CLRN2: variants seen among roughly 807,000 people sequenced by gnomAD.
The protein encoded by CLRN2 is clarin 2.
Under a neutral mutation model 20.1 loss-of-function variants are expected in CLRN2, and 17 were observed. The ratio of observed to expected loss-of-function variants is 0.85; its 90% CI spans 0.58 to 1.27. The LOEUF (loss-of-function observed/expected upper bound fraction) is 1.27. Among genes scored for constraint, CLRN2 ranks in the 50% most tolerant of loss-of-function variants. CLRN2 has a pLI of 0.00. For missense variants in CLRN2, 288 were observed against 299.5 expected, an observed-to-expected ratio of 0.96 and a Z score of 0.28; for synonymous variants, 140 against 126.9, an observed-to-expected ratio of 1.10 and a Z score of -0.70.
At chr4:17,523,631 G>A (rs1711891045) in intron 2 of CLRN2, among the ~76,000 whole-genome samples, 1 of 151,678 alleles carries the variant, frequency 6.6e-6, no homozygotes, top group Admixed American at 6.6e-5. Flanking sequence ...GGGAGAGGTG[G>A]GGGCCCTGAG....
intron 1 of CLRN2, among the ~76,000 whole-genome samples, chr4:17,522,156 A>G (rs1344673329): frequency 6.6e-6 from 1 of 152,236 alleles, no homozygotes; most frequent in South Asian, 2.1e-4. Flanking sequence ...CAAGATGACG[A>G]TGTAAAATGT....
At chr4:17,526,474 G>A (rs964648902) in intron 2 of CLRN2, among the ~76,000 whole-genome samples, 2 of 152,078 alleles carry the variant, frequency 1.3e-5, no homozygotes, top group African/African-American at 4.8e-5. Flanking sequence ...GCAGGAGAAT[G>A]GCTTGAACCC....
intron 2 of CLRN2, among the ~76,000 whole-genome samples, chr4:17,526,207 G>A (rs964859847): frequency 1.3e-5 from 2 of 152,142 alleles, no homozygotes; most frequent in African/African-American, 4.8e-5. Context: ...GGATATTTTA[G>A]ACAATGAACT....
At chr4:17,518,817 G>A (rs780773187) in intron 1 of CLRN2, among the ~76,000 whole-genome samples, 3 of 151,846 alleles carry the variant, frequency 2.0e-5, no homozygotes, top group African/African-American at 4.8e-5. Flanking sequence ...ATAAAGGAGA[G>A]GCAGATAAAT....
Position 17,522,991 on chromosome 4 carries a change from G to C in CLRN2, c.381G>C (p.Pro127=), listed in dbSNP as rs374029760. The part of the protein sequence containing the change: ...GFAILNMIQV[P]YRAVSGPGGI... ...CCATTCTTAACATGATCCAGGTCCC[G>C]TACCGGGCAGTCAGCGGTCCTGGGG... is the stretch of plus-strand genomic sequence containing the variant. The change falls in exon 2 of 3, where the codon CCG becomes CCC. Residue 127 remains proline (P), a synonymous_variant. Transcript: ENST00000511148. 3 of 1,613,784 alleles carry C rather than the reference G, an allele frequency of 1.9e-6. No homozygotes were observed. The highest frequency in any genetic ancestry group is 2.5e-6 in the Non-Finnish European group (3 of 1,179,882).
chr4:17,525,587 C>G (rs1233206705), intron 2 of CLRN2, among the ~76,000 whole-genome samples: 1 of 152,030 alleles, frequency 6.6e-6, no homozygotes, highest in East Asian at 1.9e-4. Flanking sequence ...GAGGTCGAGG[C>G]TGCAGTGAGC....
chr4:17,522,335 T>C (rs1275160663), intron 1 of CLRN2, among the ~76,000 whole-genome samples: 2 of 152,228 alleles, frequency 1.3e-5, no homozygotes, highest in Admixed American at 1.3e-4. Flanking sequence ...GAGAACTGAC[T>C]TTCCCAGGCA....
At chr4:17,516,092 G>A (rs1229750702) in intron 1 of CLRN2, among the ~76,000 whole-genome samples, 6 of 152,212 alleles carry the variant, frequency 3.9e-5, no homozygotes, top group Admixed American at 6.5e-5. Context: ...CATAGTCTGA[G>A]AAAATGCAAA....
At chr4:17,525,900 A>G (rs567313951) in intron 2 of CLRN2, among the ~76,000 whole-genome samples, 1 of 152,300 alleles carries the variant, frequency 6.6e-6, no homozygotes, top group East Asian at 1.9e-4. Context: ...TTCGATGAAG[A>G]TATACTAATC....
In CLRN2 at chr4:17,515,322, C is replaced by G; in HGVS notation, c.56C>G (p.Ser19Cys). 1 of 1,614,036 alleles carries G rather than the reference C, an allele frequency of 6.2e-7. No individual in the cohort carries two copies. Among genetic ancestry groups the G allele is most frequent in the South Asian group, 1.1e-5 (1 of 91,082 alleles). The change falls in exon 1 of 3, where the codon TCC (serine) becomes TGC (cysteine). Residue 19 changes from serine to cysteine, a missense_variant. Physicochemically the swap from Ser to Cys is moderately radical, Grantham distance 112. Transcript: ENST00000511148. ...WYGLASLLSF[S>C]SFILIIVALV... ...GGGCTGGCGTCTTTACTCAGCTTCT[C>G]CTCCTTCATCCTGATCATCGTTGCC...
intron 1 of CLRN2, among the ~76,000 whole-genome samples, chr4:17,517,427 C>T (rs1447419854): frequency 2.6e-5 from 4 of 152,144 alleles, no homozygotes; most frequent in African/African-American, 7.2e-5. Context: ...ACAGGTAAAT[C>T]GTTGAAACTT....
At chr4:17,525,455 G>A (rs1410061716) in intron 2 of CLRN2, among the ~76,000 whole-genome samples, 1 of 152,100 alleles carries the variant, frequency 6.6e-6, no homozygotes, top group African/African-American at 2.4e-5. Flanking sequence ...GGGCAACATA[G>A]TGAGACCTCA....
chr4:17,517,587 G>GT (rs1711712271), intron 1 of CLRN2, among the ~76,000 whole-genome samples: 1 of 152,166 alleles, frequency 6.6e-6, no homozygotes, highest in Non-Finnish European at 1.5e-5. Context: ...GAGGAACTCA[G>GT]TAAGTACTTC....
intron 1 of CLRN2, among the ~76,000 whole-genome samples, chr4:17,517,738 C>A (rs73800223): frequency 6.6e-6 from 1 of 152,058 alleles, no homozygotes; most frequent in Admixed American, 6.5e-5. Flanking sequence ...TGAGTAGGAG[C>A]GTATTTGAGA....
chr4:17,515,438 A>C lies in CLRN2; in HGVS notation c.172A>C (p.Ile58Leu), dbSNP rs1368438109. 9.3e-6 allele frequency: 15 copies of C among 1,613,816 alleles called. No homozygotes were observed. The highest frequency in any genetic ancestry group is 1.3e-5 in the Non-Finnish European group (15 of 1,179,890). ...CACAGACAGAGAGCTGGTCAAGTTC[A>C]TTGGGGACATTTACTACGGGCTCTT... ...NATDRELVKF[I>L]GDIYYGLFRG... is the part of the protein sequence containing the mutation. The change falls in exon 1 of 3, where the codon ATT becomes CTT. Residue 58 changes from isoleucine (I) to leucine (L), a missense_variant. Ile to Leu is a conservative substitution (Grantham distance 5). Coordinates refer to ENST00000511148, the MANE Select transcript of CLRN2 (RefSeq NM_001079827.2).
intron 1 of CLRN2, among the ~76,000 whole-genome samples, chr4:17,517,846 G>A (rs938123631): frequency 2.6e-5 from 4 of 152,106 alleles, no homozygotes; most frequent in Non-Finnish European, 5.9e-5. Context: ...AAGCATTCAC[G>A]AGGAGCCTGG....
chr4:17,521,364 G>A (rs929939276), intron 1 of CLRN2, among the ~76,000 whole-genome samples: 4 of 152,218 alleles, frequency 2.6e-5, no homozygotes, highest in African/African-American at 4.8e-5. Context: ...ACTGGGAGAC[G>A]CCAACCTTCA....
chr4:17,526,818 C>A lies in CLRN2; in HGVS notation c.435C>A (p.Gly145=), dbSNP rs994079252. 6.2e-7 allele frequency: 1 copy of A among 1,613,672 alleles called. No individual in the cohort carries two copies. The highest frequency in any genetic ancestry group is 8.5e-7 in the Non-Finnish European group (1 of 1,179,624). ...GAGGGTGACCTTTTTGAGTTTCAGG[C>A]GGCGTCGTGGCGTTAGCCATCGCCA... ...GGICLWNVLA[G]GVVALAIASF... Residue 145 remains glycine, a splice_region_variant and synonymous_variant, in exon 3 of 3, where the codon GGC becomes GGA. Coordinates refer to ENST00000511148, the MANE Select transcript of CLRN2 (RefSeq NM_001079827.2).
chr4:17,523,021 C>G lies in CLRN2; in HGVS notation c.411C>G (p.Ile137Met). ...PYRAVSGPGG[I>M]CLWNVLAGGV... is the part of the protein sequence containing the mutation. ...GGGCAGTCAGCGGTCCTGGGGGCAT[C>G]TGCCTATGGAATGTCCTGGCAGGTA... is the stretch of plus-strand genomic sequence containing the variant. Residue 137 changes from isoleucine (I) to methionine (M), a missense_variant, in exon 2 of 3, where the codon ATC becomes ATG. By Grantham distance (10) the Ile-to-Met change is conservative. Transcript: ENST00000511148. 6.2e-7 allele frequency: 1 copy of G among 1,613,082 alleles called. No homozygotes were observed. The highest frequency in any genetic ancestry group is 1.3e-5 in the African/African-American group (1 of 75,018).
Sources: allele counts gnomAD v4.1 joint callset (sites outside exome capture counted in the v4.1 genomes callset), GRCh38; gene constraint gnomAD v4.1.1; transcripts MANE v1.5; gene names NCBI Gene and HGNC (gene_info 2026-07-23, HGNC 2026-07-21).